The following HTR4 variants were observed in gnomAD, a reference collection of about 807,000 sequenced individuals.
HTR4 encodes the protein 5-hydroxytryptamine receptor 4, also known as 5-hydroxytryptamine (serotonin) receptor 4, G protein-coupled.
HTR4 carries 16 observed loss-of-function variants against 36.8 expected under a neutral mutation model. The ratio of observed to expected loss-of-function variants is 0.43; its 90% confidence interval spans 0.29 to 0.66. The LOEUF is 0.66. Ranked by LOEUF, HTR4 falls within the 30% of genes least tolerant of loss-of-function variation. The pLI is 0.13. For missense variants in HTR4, 438 were observed against 490.9 expected (o/e 0.89, Z 1.02); for synonymous variants, 189 against 185.1 (o/e 1.02, Z -0.17).
At chr5:148,507,912 C>T (rs766860968) in intron 6 of HTR4, among the ~76,000 whole-genome samples, 1 of 152,188 alleles carries the variant, frequency 6.6e-6, no homozygotes, top group Non-Finnish European at 1.5e-5. Flanking sequence ...TGTACACACA[C>T]TTTATGGTTG....
chr5:148,590,218 C>T (rs1761505625), intron 2 of HTR4, among the ~76,000 whole-genome samples: 1 of 151,832 alleles, frequency 6.6e-6, no homozygotes, highest in Non-Finnish European at 1.5e-5. Flanking sequence ...CTCCCTCAAC[C>T]CAGGATTTTA....
chr5:148,570,969 T>G (rs1760652707), intron 2 of HTR4, among the ~76,000 whole-genome samples: 1 of 152,016 alleles, frequency 6.6e-6, no homozygotes, highest in South Asian at 2.1e-4. Context: ...TAGGGGATGT[T>G]TGAGATATCT....
chr5:148,502,372 T>A (rs1035549053), intron 6 of HTR4, among the ~76,000 whole-genome samples: 1 of 152,206 alleles, frequency 6.6e-6, no homozygotes, highest in African/African-American at 2.4e-5. Flanking sequence ...CTGCTGCTGA[T>A]ACCCAGGCTA....
chr5:148,579,498 T>C (rs1488460231), intron 2 of HTR4, among the ~76,000 whole-genome samples: 3 of 152,084 alleles, frequency 2.0e-5, no homozygotes, highest in African/African-American at 2.4e-5. Context: ...TAGTTTTCTA[T>C]AGATAGATAA....
intron 4 of HTR4, among the ~76,000 whole-genome samples, chr5:148,539,467 GC>G (rs1175492465): frequency 6.6e-6 from 1 of 152,062 alleles, no homozygotes; most frequent in Non-Finnish European, 1.5e-5. Flanking sequence ...TTCAAACTAT[GC>G]ATCTGACAAA....
intron 2 of HTR4, among the ~76,000 whole-genome samples, chr5:148,572,690 T>C (rs1760724691): frequency 6.6e-6 from 1 of 152,096 alleles, no homozygotes. Flanking sequence ...CAGTTTAAAA[T>C]ATCTCATTCT....
intron 5 of HTR4, chr5:148,520,840 G>A (rs915902131): frequency 2.2e-6 from 3 of 1,344,270 alleles, no homozygotes; most frequent in Admixed American, 1.9e-5. Flanking sequence ...TTCAAAAAAT[G>A]TCCATGCAGT....
At chr5:148,615,816 A>G (rs890280485) in intron 2 of HTR4, among the ~76,000 whole-genome samples, 7 of 152,198 alleles carry the variant, frequency 4.6e-5, no homozygotes, top group African/African-American at 1.7e-4. Context: ...TAAAATGCTG[A>G]TTCAGGACTT....
chr5:148,534,101 T>C (rs1399976584), intron 4 of HTR4, among the ~76,000 whole-genome samples: 1 of 152,230 alleles, frequency 6.6e-6, no homozygotes, highest in Non-Finnish European at 1.5e-5. Flanking sequence ...ACATTGTCGC[T>C]TAAGCTGCTG....
chr5:148,544,711 C>T (rs1278330178), intron 4 of HTR4, among the ~76,000 whole-genome samples: 1 of 152,110 alleles, frequency 6.6e-6, no homozygotes, highest in African/African-American at 2.4e-5. Flanking sequence ...GCAATAAATT[C>T]TTATTAACAG....
At chr5:148,530,437 A>G (rs1487379109) in intron 4 of HTR4, among the ~76,000 whole-genome samples, 1 of 152,180 alleles carries the variant, frequency 6.6e-6, no homozygotes, top group Non-Finnish European at 1.5e-5. Context: ...AGCTCAGGCC[A>G]TAGCTTCAGA....
chr5:148,556,050 G>A (rs1337750893), intron 2 of HTR4, among the ~76,000 whole-genome samples: 2 of 152,054 alleles, frequency 1.3e-5, no homozygotes, highest in African/African-American at 2.4e-5. Context: ...TTGAGACAGA[G>A]TCTTGCCCTG....
rs144520116 is a variant in HTR4, at chr5:148,626,311, G to A, written c.26+10678C>T. ...TCAGAACATTCCCTTTCAGGGAGGG[G>A]ATTTTATCTTATCCTCTACTAAAGT... On this transcript the variant is annotated intron_variant, in intron 2 of 6. Coordinates refer to ENST00000377888, the MANE Select transcript of HTR4 (RefSeq NM_000870.7). Among the ~76,000 whole-genome samples, 6 of 152,250 alleles carry A rather than the reference G, an allele frequency of 3.9e-5. No individual in the cohort carries two copies. The East Asian group carries it at 1.2e-3, about 29-fold the overall frequency.
At chr5:148,528,355 G>T (rs963379090) in intron 4 of HTR4, among the ~76,000 whole-genome samples, 1 of 152,076 alleles carries the variant, frequency 6.6e-6, no homozygotes, top group African/African-American at 2.4e-5. Flanking sequence ...TTTGGAGCTC[G>T]AATTCTAGCA....
chr5:148,639,617 GTATATATATA>G (rs370514542), intron 1 of HTR4, among the ~76,000 whole-genome samples: 1 of 111,856 alleles, frequency 8.9e-6, no homozygotes, highest in Non-Finnish European at 1.8e-5. Context: ...TTTCTTCCCA[GTATATATATA>G]TATATATATA....
chr5:148,531,771 C>T (rs149175832), intron 4 of HTR4, among the ~76,000 whole-genome samples: 123 of 152,204 alleles, frequency 8.1e-4, no homozygotes, highest in African/African-American at 2.8e-3. Flanking sequence ...AATTCTTTTT[C>T]TGCATAGTGG....
intron 1 of HTR4, among the ~76,000 whole-genome samples, chr5:148,647,129 C>T (rs142560471): frequency 1.0e-3 from 155 of 152,302 alleles, no homozygotes; most frequent in Admixed American, 4.1e-3. Context: ...AGACATCCAG[C>T]CCACCTGTCT....
At chr5:148,485,937 C>T (rs1756138405) in intron 6 of HTR4, among the ~76,000 whole-genome samples, 1 of 152,202 alleles carries the variant, frequency 6.6e-6, no homozygotes, top group Non-Finnish European at 1.5e-5. Flanking sequence ...CTCTATCTAT[C>T]TTTGACATTG....
intron 5 of HTR4, among the ~76,000 whole-genome samples, chr5:148,513,146 C>T (rs1486053742): frequency 6.6e-6 from 1 of 151,740 alleles, no homozygotes; most frequent in Non-Finnish European, 1.5e-5. Flanking sequence ...GAGCCACCAC[C>T]CCTAGTTAAT....
Sources: allele counts gnomAD v4.1 joint callset (sites outside exome capture counted in the v4.1 genomes callset), GRCh38; gene constraint gnomAD v4.1.1; transcripts MANE v1.5; gene names NCBI Gene and HGNC (gene_info 2026-07-23, HGNC 2026-07-21).